The following IQANK1 variants were observed in gnomAD, a reference collection of about 807,000 sequenced individuals.
IQANK1 encodes IQ motif and ankyrin repeat domain-containing protein 1.
IQANK1 carries 30 observed loss-of-function variants against 22.6 expected under a neutral mutation model. The ratio of observed to expected loss-of-function variants is 1.33; its 90% CI spans 0.99 to 1.80. The LOEUF (loss-of-function observed/expected upper bound fraction) is 1.80, where lower values mean the gene tolerates loss of function less well. Ranked by LOEUF, IQANK1 falls within the 40% of genes most tolerant of loss-of-function variation. IQANK1 has a pLI of 0.00. For synonymous variants in IQANK1, 122 were observed against 99.6 expected, an observed-to-expected ratio of 1.23 and a Z score of -1.34; for missense variants, 275 against 235.2, an observed-to-expected ratio of 1.17 and a Z score of -1.11.
intron 3 of IQANK1, among the ~76,000 whole-genome samples, chr8:143,748,829 T>TCA (rs1554627611): frequency 4.4e-5 from 5 of 113,726 alleles, no homozygotes; most frequent in Admixed American, 1.1e-4. Context: ...TAAATATATA[T>TCA]TTCATATATA....
chr8:143,775,584 C>A (rs540445878), intron 7 of IQANK1, among the ~76,000 whole-genome samples: 17 of 151,818 alleles, frequency 1.1e-4, no homozygotes, highest in Non-Finnish European at 1.8e-4. Context: ...CATGGTGAAA[C>A]CCCATCTCTA....
intron 7 of IQANK1, among the ~76,000 whole-genome samples, chr8:143,776,742 C>T (rs781877500): frequency 1.3e-5 from 2 of 152,206 alleles, no homozygotes; most frequent in African/African-American, 2.4e-5. Context: ...TTGGATCCCT[C>T]GTGGTAGTTA....
At position 143,761,808 on chromosome 8, in the gene IQANK1, GT is replaced by G. The variant is rs11418981; in HGVS notation, c.176-9668del. Among the ~76,000 whole-genome samples, 332 of 146,162 alleles carry G rather than the reference GT, an allele frequency of 2.3e-3. 1 individual carries two copies. Among genetic ancestry groups the G allele is most frequent in the African/African-American group, 5.2e-3 (205 of 39,458 alleles). On this transcript the variant is annotated intron_variant, in intron 3 of 13. Coordinates refer to ENST00000527139, the MANE Select transcript of IQANK1 (RefSeq NM_001381874.1). ...ATTTCAAAAGAAAATAAATTTCAGTGTTTTTTTTTTTTGCAGGAAGTGTTAT... is the reference window on the plus strand; with the variant it reads ...ATTTCAAAAGAAAATAAATTTCAGTGTTTTTTTTTTTGCAGGAAGTGTTAT...
Position 143,786,389 on chromosome 8 carries a change from A to C in IQANK1, c.790-2526A>C, listed in dbSNP as rs549058871. Among the ~76,000 whole-genome samples the C allele has an allele frequency of 5.3e-5, 8 of 152,280 alleles. No individual in the cohort carries two copies. The South Asian group carries it at 1.7e-3, about 32-fold the overall frequency. The stretch of plus-strand genomic sequence containing the variant: ...TGAGGATCAAATTTGCATATTCATA[A>C]ATTCCTTCACTCACCCACCCACGTT... On this transcript the variant is annotated intron_variant, in intron 7 of 13. Coordinates refer to ENST00000527139, the MANE Select transcript of IQANK1 (RefSeq NM_001381874.1).
intron 2 of IQANK1, 63 bp from the exon 3 acceptor site, chr8:143,739,796 T>C (rs1818850420): frequency 1.5e-6 from 1 of 650,386 alleles, no homozygotes; most frequent in African/African-American, 1.8e-5. Flanking sequence ...CATAAGTGTC[T>C]CTTGAGGCTA....
rs927990959 is a variant in IQANK1, at chr8:143,789,805, G to C, written c.1131G>C (p.Glu377Asp). The stretch of plus-strand genomic sequence containing the variant: ...CCCAGGTGGACAGGCTGCGGCAGGA[G>C]GCCCAGAAGGCCGAGGAGGCGCTGG... ...TEAQVDRLRQEAQKAEEALAM... is the reference protein window; with the variant it reads ...TEAQVDRLRQDAQKAEEALAM... The change falls in exon 11 of 14, where the codon GAG becomes GAC. Residue 377 changes from glutamate to aspartate, a missense_variant. Coordinates refer to ENST00000527139, the MANE Select transcript of IQANK1 (RefSeq NM_001381874.1). 28 of 1,232,008 alleles carry C rather than the reference G, an allele frequency of 2.3e-5. No individual in the cohort carries two copies. The highest frequency in any genetic ancestry group is 2.2e-5 in the Non-Finnish European group (22 of 988,102). The allele number at this position is 1,232,008 out of a possible 1,614,324, so 76.3% of individuals were successfully genotyped here.
In IQANK1 at chr8:143,771,395, C is replaced by T; in HGVS notation, c.176-93C>T. On this transcript the variant is annotated intron_variant, in intron 3 of 13. Coordinates refer to ENST00000527139, the MANE Select transcript of IQANK1 (RefSeq NM_001381874.1). The surrounding 1 kb of genome is among the most constrained non-coding windows in gnomAD (Gnocchi z 6.0). ...AGCCGTTTGGGTCCTTCTGTCGGGGCGGGGGCGGGGGCGGGGCCGGCTCCA... is the reference window on the plus strand; with the variant it reads ...AGCCGTTTGGGTCCTTCTGTCGGGGTGGGGGCGGGGGCGGGGCCGGCTCCA... 3 of 247,630 alleles carry T rather than the reference C, an allele frequency of 1.2e-5. No homozygotes were observed. Among genetic ancestry groups the T allele is most frequent in the Non-Finnish European group, 1.9e-5 (3 of 158,516 alleles). The allele number at this position is 247,630 out of a possible 1,614,324, so 15.3% of individuals were successfully genotyped here. A position where few individuals can be genotyped will look rare whatever the true frequency, so the allele number is the denominator to read the frequency against.
In IQANK1 at chr8:143,751,654, G is replaced by GTA. The variant is rs1394995181; in HGVS notation, c.175+11707_175+11708insAT. Among the ~76,000 whole-genome samples the GTA allele has an allele frequency of 4.8e-3, 178 of 37,024 alleles. 1 individual carries two copies. Among genetic ancestry groups the GTA allele is most frequent in the Admixed American group, 7.5e-3 (18 of 2,414 alleles). The allele number at this position is 37,024 out of a possible 152,430, so 24.3% of individuals were successfully genotyped here. A position where few individuals can be genotyped will look rare whatever the true frequency, so the allele number is the denominator to read the frequency against. On this transcript the variant is annotated intron_variant, in intron 3 of 13. Coordinates refer to ENST00000527139, the MANE Select transcript of IQANK1 (RefSeq NM_001381874.1). ...TGTGTGTGTGTGTGTGTGTGTGTGT[G>GTA]TGTGTGTGTGTATATATATATATAA... is the stretch of plus-strand genomic sequence containing the variant.
rs553632070 is a variant in IQANK1, at chr8:143,754,869, G to T, written c.175+14921G>T. On this transcript the variant is annotated intron_variant, in intron 3 of 13. Coordinates refer to ENST00000527139, the MANE Select transcript of IQANK1 (RefSeq NM_001381874.1). ...TCTCGATCTCTTGACTTCATGATCCGCCCACCTCGGCCTCCCAAAGTGCTG... is the reference window on the plus strand; with the variant it reads ...TCTCGATCTCTTGACTTCATGATCCTCCCACCTCGGCCTCCCAAAGTGCTG... Among the ~76,000 whole-genome samples the T allele has an allele frequency of 2.0e-5, 3 of 151,966 alleles. No individual in the cohort carries two copies. The East Asian group carries it at 5.8e-4, about 29-fold the overall frequency.
chr8:143,751,725 T>C (rs1360864965), intron 3 of IQANK1, among the ~76,000 whole-genome samples: 2 of 143,654 alleles, frequency 1.4e-5, no homozygotes, highest in African/African-American at 5.0e-5. Context: ...CCCACATGTT[T>C]ATCTTTATTG....
intron 3 of IQANK1, among the ~76,000 whole-genome samples, chr8:143,749,447 A>G (rs1554627764): frequency 7.4e-6 from 1 of 135,808 alleles, no homozygotes; most frequent in Non-Finnish European, 1.5e-5. Flanking sequence ...ATAATTATAT[A>G]TTATATATCA....
intron 7 of IQANK1, among the ~76,000 whole-genome samples, chr8:143,783,555 A>G (rs1028242152): frequency 2.0e-5 from 3 of 152,110 alleles, no homozygotes; most frequent in Non-Finnish European, 4.4e-5. Context: ...TTAATGTTAT[A>G]ATTTGATGGA....
chr8:143,738,634 G>GC (rs2129756960), intron 2 of IQANK1, among the ~76,000 whole-genome samples: 1 of 152,358 alleles, frequency 6.6e-6, no homozygotes, highest in South Asian at 2.1e-4. Flanking sequence ...GCAGCAGCCA[G>GC]AGTGCCTGCT....
chr8:143,749,380 T>C (rs1485764792), intron 3 of IQANK1, among the ~76,000 whole-genome samples: 1 of 130,838 alleles, frequency 7.6e-6, no homozygotes, highest in Non-Finnish European at 1.5e-5. Context: ...TATATATAAA[T>C]ATGTGAATAT....
intron 3 of IQANK1, chr8:143,744,508 A>T (rs1418764696): frequency 6.6e-6 from 1 of 152,192 alleles, no homozygotes; most frequent in East Asian, 1.9e-4. Context: ...TGCAGCAAAA[A>T]GACCACTCGC....
intron 7 of IQANK1, among the ~76,000 whole-genome samples, chr8:143,773,307 A>C (rs868946761): frequency 1.3e-4 from 18 of 143,230 alleles, no homozygotes; most frequent in Non-Finnish European, 3.0e-5. Flanking sequence ...ACTCAAAAAA[A>C]AAAAAAAAAC....
chr8:143,739,744 G>T, intron 2 of IQANK1, 115 bp from the exon 3 acceptor site: 1 of 578,278 alleles, frequency 1.7e-6, no homozygotes, highest in Non-Finnish European at 3.1e-6. Flanking sequence ...GCCCGGGTGG[G>T]GGGCTCCCTG....
chr8:143,789,563 G>A lies in IQANK1; in HGVS notation c.1086+35G>A, dbSNP rs1419393840. ...CGTGGTGGACTTGATATGCCCCTGCGTCCTCAACACCCCTCCTTGTTCCAA... is the reference window on the plus strand; with the variant it reads ...CGTGGTGGACTTGATATGCCCCTGCATCCTCAACACCCCTCCTTGTTCCAA... On this transcript the variant is annotated intron_variant, in intron 10 of 13. Transcript: ENST00000527139. 4.9e-6 allele frequency: 6 copies of A among 1,231,910 alleles called. No individual in the cohort carries two copies. In the South Asian group the frequency reaches 1.6e-4, roughly 34 times the overall value. The allele number at this position is 1,231,910 out of a possible 1,614,324, so 76.3% of individuals were successfully genotyped here. A position where few individuals can be genotyped will look rare whatever the true frequency, so the allele number is the denominator to read the frequency against.
intron 3 of IQANK1, chr8:143,742,696 G>A (rs1554626740): frequency 2.2e-6 from 1 of 455,966 alleles, no homozygotes; most frequent in Non-Finnish European, 4.4e-6. Flanking sequence ...CCTGCGGGAA[G>A]CTCCAAAGGG....
Sources: gnomAD v4.1 joint callset for allele counts (sites outside exome capture counted in the v4.1 genomes callset) on GRCh38, gnomAD v4.1.1 for gene constraint, Gnocchi (gnomAD v3.1) non-coding constraint, MANE v1.5 for transcripts, NCBI Gene and HGNC (gene_info 2026-07-23, HGNC 2026-07-21) for gene names.